The following NASP variants were observed in gnomAD, a reference collection of about 807,000 sequenced individuals.
NASP encodes nuclear autoantigenic sperm protein.
NASP carries 24 observed loss-of-function variants against 89.5 expected under a neutral mutation model. That is an observed-to-expected ratio of 0.27 (90% CI 0.19 to 0.38). The LOEUF is 0.38. Among genes scored for constraint, NASP ranks in the 10% least tolerant of loss-of-function variants. The probability of loss-of-function intolerance (pLI) is 1.00; values close to 1 mark genes in which losing one functional copy is unlikely to be tolerated. For synonymous variants in NASP, 306 were observed against 324.7 expected, an observed-to-expected ratio of 0.94 and a Z score of 0.62; for missense variants, 848 against 921.4, an observed-to-expected ratio of 0.92 and a Z score of 1.03.
At chr1:45,585,281 G>T (rs1431135091) in intron 1 of NASP, among the ~76,000 whole-genome samples, 1 of 151,984 alleles carries the variant, frequency 6.6e-6, no homozygotes, top group Non-Finnish European at 1.5e-5. Context: ...AATCTTGTGC[G>T]CTTTAGAGGT....
chr1:45,615,920 A>T (rs936446732), intron 11 of NASP, among the ~76,000 whole-genome samples: 3 of 152,220 alleles, frequency 2.0e-5, no homozygotes, highest in Admixed American at 1.3e-4. Flanking sequence ...AAGGGATGGG[A>T]TGCCCGACCT....
At chr1:45,587,674 ATATATATATATAT>A (rs1644574274) in intron 1 of NASP, among the ~76,000 whole-genome samples, 4 of 76,774 alleles carry the variant, frequency 5.2e-5, no homozygotes, top group East Asian at 7.8e-4. Context: ...ATATATATAT[ATATATATATATAT>A]AATTAATTTT....
intron 11 of NASP, chr1:45,615,778 A>C: frequency 3.9e-6 from 1 of 255,662 alleles, no homozygotes; most frequent in East Asian, 8.3e-5. Flanking sequence ...TTGCATTTCA[A>C]ATGCTTTTGG....
chr1:45,585,542 G>A (rs1316214984), intron 1 of NASP, among the ~76,000 whole-genome samples: 1 of 152,112 alleles, frequency 6.6e-6, no homozygotes, highest in Non-Finnish European at 1.5e-5. Context: ...TTTCCCCATT[G>A]ATTCGATATA....
chr1:45,603,216 A>G (rs1643873224), intron 3 of NASP, among the ~76,000 whole-genome samples: 1 of 152,212 alleles, frequency 6.6e-6, no homozygotes, highest in Admixed American at 6.5e-5. Context: ...TGAGAGAAAA[A>G]AAAGCAAGTT....
intron 1 of NASP, among the ~76,000 whole-genome samples, chr1:45,586,300 TGTGTGTGTG>T (rs1241671372): frequency 3.0e-4 from 35 of 116,728 alleles, no homozygotes; most frequent in African/African-American, 1.2e-3. Flanking sequence ...TGTGTGTGTG[TGTGTGTGTG>T]GTGTGTGTGT....
chr1:45,611,073 T>TC (rs1378416639), intron 6 of NASP: 1 of 152,072 alleles, frequency 6.6e-6, no homozygotes, highest in Non-Finnish European at 1.5e-5. Context: ...CGGGCTTAGT[T>TC]CCCCAAAGTT....
At chr1:45,585,457 C>G (rs1644520121) in intron 1 of NASP, among the ~76,000 whole-genome samples, 1 of 152,118 alleles carries the variant, frequency 6.6e-6, no homozygotes, top group African/African-American at 2.4e-5. Flanking sequence ...AGCAGTGGTT[C>G]TCAAGTCACC....
chr1:45,604,972 A>G lies in NASP; in HGVS notation c.255A>G (p.Gly85=). ...ATGGAGAGACAGCTAATGAGTGTGG[A>G]GAAGCCTTCTTTTTCTATGGGAAAT... is the stretch of plus-strand genomic sequence containing the variant. ...KKYGETANEC[G]EAFFFYGKSL... is the part of the protein sequence containing the mutation. Residue 85 remains glycine (G), a synonymous_variant, in exon 4 of 15, where the codon GGA becomes GGG. Transcript: ENST00000350030. The G allele has an allele frequency of 6.2e-7, 1 of 1,613,230 alleles. No individual in the cohort carries two copies. The highest frequency in any genetic ancestry group is 8.5e-7 in the Non-Finnish European group (1 of 1,179,318).
intron 1 of NASP, among the ~76,000 whole-genome samples, chr1:45,587,131 T>G (rs546206864): frequency 1.2e-4 from 18 of 152,306 alleles, no homozygotes; most frequent in African/African-American, 4.1e-4. Context: ...GTGATGTATA[T>G]CTACATGCTA....
chr1:45,584,677 C>A (rs1570935997), intron 1 of NASP, among the ~76,000 whole-genome samples: 1 of 25,708 alleles, frequency 3.9e-5, no homozygotes, highest in Admixed American at 6.7e-4. Flanking sequence ...CCTGAGGGGT[C>A]GGGGTGGGCG....
At chr1:45,591,554 A>C (rs11211144) in intron 2 of NASP, among the ~76,000 whole-genome samples, 3 of 151,780 alleles carry the variant, frequency 2.0e-5, no homozygotes, top group East Asian at 1.9e-4. Context: ...GGGTCTTGCT[A>C]TGTTGCCAAG....
chr1:45,598,023 G>C (rs972641916), intron 2 of NASP, among the ~76,000 whole-genome samples: 8 of 152,094 alleles, frequency 5.3e-5, no homozygotes, highest in Admixed American at 4.6e-4. Flanking sequence ...AATTGAAGCT[G>C]CTTCAATCAA....
chr1:45,590,053 A>G (rs999618375), intron 1 of NASP, among the ~76,000 whole-genome samples: 2 of 152,182 alleles, frequency 1.3e-5, no homozygotes, highest in African/African-American at 4.8e-5. Context: ...CAGATTCTTC[A>G]ACCTTACCTC....
intron 1 of NASP, among the ~76,000 whole-genome samples, chr1:45,586,274 GT>G (rs1334985772): frequency 3.0e-4 from 18 of 60,098 alleles, no homozygotes; most frequent in Admixed American, 6.0e-4. Context: ...GTGTGTGTGT[GT>G]GTGTGTGTGG....
chr1:45,618,085 G>A lies in NASP; in HGVS notation c.2311G>A (p.Ala771Thr), dbSNP rs771657828. Reference sequence around the variant, plus strand: ...GGCTGAGAATCAGGCTGAAAGCCGGGCAGCAGTGGAGGGGACAGTGGAGGC... The same window carrying A: ...GGCTGAGAATCAGGCTGAAAGCCGGACAGCAGTGGAGGGGACAGTGGAGGC... ...EEAENQAESR[A>T]AVEGTVEAGA... Residue 771 changes from alanine (A) to threonine (T), a missense_variant, in exon 15 of 15, where the codon GCA becomes ACA. Ala to Thr is a moderately conservative substitution (Grantham distance 58). Around this residue, in one of 5 missense-constraint regions of NASP, gnomAD observed 218 missense variants for 219.6 expected, o/e 0.99. Transcript: ENST00000350030. 3.1e-6 allele frequency: 5 copies of A among 1,603,278 alleles called. No homozygotes were observed. The South Asian group carries it at 3.4e-5, about 11-fold the overall frequency.
At chr1:45,611,060 G>C (rs1643999921) in intron 6 of NASP, 1 of 152,072 alleles carries the variant, frequency 6.6e-6, no homozygotes, top group African/African-American at 2.4e-5. Context: ...TTCCAAGTGG[G>C]TCCGGGCTTA....
At chr1:45,605,137 G>C (rs1643891499) in intron 4 of NASP, 121 bp downstream of exon 4, 1 of 750,014 alleles carries the variant, frequency 1.3e-6, no homozygotes, top group African/African-American at 1.8e-5. Context: ...GCTTGAAGTA[G>C]TGATGGAAGT....
chr1:45,588,155 G>A (rs1644584684), intron 1 of NASP, among the ~76,000 whole-genome samples: 1 of 152,120 alleles, frequency 6.6e-6, no homozygotes, highest in South Asian at 2.1e-4. Flanking sequence ...TCAGGCTGGA[G>A]TGCACTGGTG....
Sources: allele counts gnomAD v4.1 joint callset (sites outside exome capture counted in the v4.1 genomes callset), GRCh38; gene constraint gnomAD v4.1.1; regional missense constraint gnomAD v4.1.1; transcripts MANE v1.5; gene names NCBI Gene and HGNC (gene_info 2026-07-23, HGNC 2026-07-21).